EPM2A: variants seen among roughly 807,000 people sequenced by gnomAD.
The protein encoded by EPM2A is laforin.
A neutral mutation model predicts 26.5 loss-of-function variants in EPM2A; 21 were observed. The observed-to-expected ratio is 0.79, with a 90% CI of 0.56 to 1.14. EPM2A has a LOEUF of 1.14. Ranked by LOEUF, EPM2A falls within the 50% of genes most tolerant of loss-of-function variation. The pLI, the probability that EPM2A is intolerant of heterozygous loss-of-function variation, is 0.00. For synonymous variants in EPM2A, 217 were observed against 177.6 expected (o/e 1.22, Z -1.76); for missense variants, 458 against 440.8 (o/e 1.04, Z -0.35).
chr6:145,684,600 T>C (rs1191083093), intron 2 of EPM2A: 1 of 152,184 alleles, frequency 6.6e-6, no homozygotes, highest in East Asian at 1.9e-4. Context: ...AGACTCAACA[T>C]TTTGAATGCT....
intron 2 of EPM2A, among the ~76,000 whole-genome samples, chr6:145,539,048 C>G (rs1780472404): frequency 6.6e-6 from 1 of 152,156 alleles, no homozygotes; most frequent in Admixed American, 6.5e-5. Context: ...TATTAGCTAG[C>G]AAACTTTCCT....
chr6:145,578,122 A>T (rs1393370971), intron 2 of EPM2A, among the ~76,000 whole-genome samples: 1 of 152,088 alleles, frequency 6.6e-6, no homozygotes, highest in African/African-American at 2.4e-5. Flanking sequence ...AAACAACCTA[A>T]TGATGCATCT....
intron 4 of EPM2A, among the ~76,000 whole-genome samples, chr6:145,422,051 A>G (rs1416531980): frequency 3.5e-5 from 4 of 115,236 alleles, no homozygotes; most frequent in South Asian, 7.0e-4. Context: ...TAGAATATAT[A>G]TGAGTGTATA....
intron 4 of EPM2A, among the ~76,000 whole-genome samples, chr6:145,400,557 G>C (rs181633630): frequency 6.6e-6 from 1 of 152,290 alleles, no homozygotes; most frequent in East Asian, 1.9e-4. Flanking sequence ...TGACTATGGA[G>C]TGGTTCTGAT....
chr6:145,554,459 G>C (rs79834330), intron 2 of EPM2A, among the ~76,000 whole-genome samples: 3,275 of 151,594 alleles, frequency 0.022, 41 homozygotes, highest in Admixed American at 0.029. Context: ...TAGATAGATA[G>C]ATAGATAGAT....
At chr6:145,574,982 A>G (rs12205752) in intron 2 of EPM2A, among the ~76,000 whole-genome samples, 65,167 of 151,910 alleles carry the variant, frequency 0.43, 14,534 homozygotes, top group African/African-American at 0.52. Context: ...CTCATGGGTC[A>G]TGCTCTCAAC....
chr6:145,647,468 A>G (rs1217278230), intron 2 of EPM2A, among the ~76,000 whole-genome samples: 3 of 152,152 alleles, frequency 2.0e-5, no homozygotes, highest in Admixed American at 2.0e-4. Context: ...CATCTTATAC[A>G]TACCTTTGTA....
At chr6:145,661,208 C>T (rs1292333) in intron 2 of EPM2A, among the ~76,000 whole-genome samples, 82,856 of 151,968 alleles carry the variant, frequency 0.55, 23,152 homozygotes, top group East Asian at 0.74. Context: ...GTTTTATAAA[C>T]GCCCTTTCAC....
At chr6:145,661,586 A>C (rs1220915522) in intron 2 of EPM2A, among the ~76,000 whole-genome samples, 1 of 152,246 alleles carries the variant, frequency 6.6e-6, no homozygotes, top group Non-Finnish European at 1.5e-5. Context: ...TGTAATCAGA[A>C]TGATACTTCT....
intron 2 of EPM2A, among the ~76,000 whole-genome samples, chr6:145,541,643 T>A (rs1197840546): frequency 6.6e-6 from 1 of 152,180 alleles, no homozygotes; most frequent in Non-Finnish European, 1.5e-5. Flanking sequence ...ATCTGTCATA[T>A]TGTGGATACT....
chr6:145,608,357 A>G (rs1322708675), intron 2 of EPM2A, among the ~76,000 whole-genome samples: 2 of 152,200 alleles, frequency 1.3e-5, no homozygotes, highest in Non-Finnish European at 2.9e-5. Context: ...ACAGACATAT[A>G]CACCTTCCAA....
In EPM2A at chr6:145,471,959, C is replaced by T. The variant is rs115448755; in HGVS notation, c.555+30563G>A. ...CTGGCAATGCTGGCATCATGCCTCC[C>T]CTAACTGCAGGCACAGCTCAGTTGG... is the stretch of plus-strand genomic sequence containing the variant. On this transcript the variant is annotated intron_variant, in intron 4 of 4. Transcript: ENST00000638717. Among the ~76,000 whole-genome samples the T allele has an allele frequency of 2.5e-3, 379 of 151,250 alleles. 5 individuals carry two copies. Among genetic ancestry groups the T allele is most frequent in the African/African-American group, 9.0e-3 (369 of 41,192 alleles).
chr6:145,434,845 G>GTAATCCCTAATGTTGGAGGTGGGGCCT (rs1349186774), intron 4 of EPM2A, among the ~76,000 whole-genome samples: 1 of 152,134 alleles, frequency 6.6e-6, no homozygotes, highest in African/African-American at 2.4e-5. Flanking sequence ...ATGTTGAAAT[G>GTAATCCCTAATGTTGGAGGTGGGGCCT]TAATCCCTAA....
At chr6:145,735,711 C>T, upstream of EPM2A, 1 of 989,670 alleles carries the variant, frequency 1.0e-6, no homozygotes, top group South Asian at 4.9e-5. Flanking sequence ...AGCGGAGCCG[C>T]TAGCTGCCTC....
intron 1 of EPM2A, among the ~76,000 whole-genome samples, chr6:145,718,605 C>A (rs1005901583): frequency 2.0e-5 from 3 of 152,070 alleles, no homozygotes; most frequent in African/African-American, 7.2e-5. Context: ...CAACAAAAGC[C>A]AAAATTGACA....
At chr6:145,553,865 A>C (rs1288790654) in intron 2 of EPM2A, among the ~76,000 whole-genome samples, 1 of 147,952 alleles carries the variant, frequency 6.8e-6, no homozygotes, top group African/African-American at 2.5e-5. Context: ...AAATACATAT[A>C]TATTACTTGA....
chr6:145,432,480 A>G (rs1778934305), intron 4 of EPM2A, among the ~76,000 whole-genome samples: 1 of 147,264 alleles, frequency 6.8e-6, no homozygotes, highest in African/African-American at 2.5e-5. Context: ...GCTACATTGT[A>G]AATGATCAGT....
intron 2 of EPM2A, among the ~76,000 whole-genome samples, chr6:145,579,082 C>T (rs1781078333): frequency 6.6e-6 from 1 of 152,038 alleles, no homozygotes; most frequent in Admixed American, 6.6e-5. Flanking sequence ...AGCACACCAA[C>T]ATGGCACATG....
At chr6:145,542,202 C>A (rs989695051) in intron 2 of EPM2A, among the ~76,000 whole-genome samples, 1 of 152,222 alleles carries the variant, frequency 6.6e-6, no homozygotes, top group South Asian at 2.1e-4. Context: ...AGAAGGCCAT[C>A]TTTTTTCTCT....
Sources: allele counts gnomAD v4.1 joint callset (sites outside exome capture counted in the v4.1 genomes callset), GRCh38; gene constraint gnomAD v4.1.1; transcripts MANE v1.5; gene names NCBI Gene and HGNC (gene_info 2026-07-23, HGNC 2026-07-21).